GSE1: variants seen among roughly 807,000 people sequenced by gnomAD.
The protein encoded by GSE1 is genetic suppressor element 1.
A neutral mutation model predicts 112.6 loss-of-function variants in GSE1; 32 were observed. That is an observed-to-expected ratio of 0.28 (90% CI 0.21 to 0.38). The LOEUF is 0.38. GSE1 is among the 10% of genes least tolerant of loss of function. The pLI is 1.00. For missense variants in GSE1, 2,348 were observed against 1,699.2 expected, an observed-to-expected ratio of 1.38 and a Z score of -6.71; for synonymous variants, 1,115 against 735.6, an observed-to-expected ratio of 1.52 and a Z score of -8.35.
Position 85,267,250 on chromosome 16 carries a change from G to T in GSE1, c.2284-90213G>T, listed in dbSNP as rs140566044. Among the ~76,000 whole-genome samples the T allele has an allele frequency of 4.6e-5, 7 of 152,316 alleles. No individual in the cohort carries two copies. In the East Asian group the frequency reaches 9.6e-4, roughly 21 times the overall value. On this transcript the variant is annotated intron_variant, in intron 1 of 2. Coordinates refer to the GSE1 transcript ENST00000637419. ...GCCCCCTCCCCATCGGGGTGCCCAG[G>T]AAGTGGGGGTGGCAGTGGATAGCTA...
intron 2 of GSE1, among the ~76,000 whole-genome samples, chr16:85,505,287 T>C: frequency 6.6e-6 from 1 of 152,084 alleles, no homozygotes; most frequent in East Asian, 1.9e-4. Flanking sequence ...TGCCATGCGA[T>C]CAGGGACACC....
chr16:85,633,982 G>A lies in GSE1; in HGVS notation c.76G>A (p.Val26Ile), dbSNP rs1355152441. The A allele has an allele frequency of 1.5e-5, 24 of 1,612,864 alleles. No individual in the cohort carries two copies. The highest frequency in any genetic ancestry group is 6.7e-5 in the African/African-American group (5 of 74,898). ...LSTATRTTAT[V>I]NPLTPSPLNG... The stretch of plus-strand genomic sequence containing the variant: ...CACCGCGACCAGGACCACCGCCACC[G>A]TCAACCCCCTCACCCCCTCGCCGCT... Residue 26 changes from valine (V) to isoleucine (I), a missense_variant, in exon 2 of 16, where the codon GTC becomes ATC. Transcript: ENST00000253458.
intron 1 of GSE1, among the ~76,000 whole-genome samples, chr16:85,350,096 G>C (rs532548405): frequency 6.6e-6 from 1 of 152,290 alleles, no homozygotes; most frequent in African/African-American, 2.4e-5. Context: ...GGGTTGCTGG[G>C]ATGATTAAAT....
At chr16:85,333,486 C>G (rs1343709895) in intron 1 of GSE1, among the ~76,000 whole-genome samples, 1 of 152,246 alleles carries the variant, frequency 6.6e-6, no homozygotes, top group Non-Finnish European at 1.5e-5. Context: ...CGGGCCCTTC[C>G]ACTTTGCCCA....
At chr16:85,394,070 G>T (rs996978431) in intron 2 of GSE1, among the ~76,000 whole-genome samples, 3 of 152,150 alleles carry the variant, frequency 2.0e-5, no homozygotes, top group Admixed American at 6.5e-5. Context: ...TACCGTTCGG[G>T]CTCACTGCTG....
intron 2 of GSE1, among the ~76,000 whole-genome samples, chr16:85,415,564 C>A (rs1443361580): frequency 6.6e-6 from 1 of 152,258 alleles, no homozygotes; most frequent in Non-Finnish European, 1.5e-5. Context: ...CCCCCGTCCC[C>A]TACCAGCCAG....
intron 1 of GSE1, among the ~76,000 whole-genome samples, chr16:85,573,819 C>G (rs548257225): frequency 6.6e-6 from 1 of 152,330 alleles, no homozygotes; most frequent in East Asian, 1.9e-4. Flanking sequence ...AGTGAGTGTC[C>G]TCCCTGTGTT....
intron 1 of GSE1, among the ~76,000 whole-genome samples, chr16:85,229,072 CG>C (rs1420549927): frequency 2.6e-5 from 4 of 152,230 alleles, no homozygotes; most frequent in African/African-American, 9.6e-5. Flanking sequence ...GAAACACATC[CG>C]CTGGGGAGTT....
intron 1 of GSE1, among the ~76,000 whole-genome samples, chr16:85,313,918 C>CTGTG (rs10676246): frequency 0.04 from 6,023 of 149,238 alleles, 119 homozygotes; most frequent in Non-Finnish European, 0.044. Context: ...GTCTGAGCCT[C>CTGTG]TGTGTGTGTG....
At chr16:85,636,187 C>T (rs1567691547) in intron 2 of GSE1, among the ~76,000 whole-genome samples, 1 of 152,238 alleles carries the variant, frequency 6.6e-6, no homozygotes, top group Non-Finnish European at 1.5e-5. Context: ...GAAAGATGCC[C>T]CCGGGGTGGA....
chr16:85,601,266 T>A (rs1455088710), intron 1 of GSE1, among the ~76,000 whole-genome samples: 1 of 143,836 alleles, frequency 7.0e-6, no homozygotes, highest in African/African-American at 2.6e-5. Context: ...GAGGGAGAGG[T>A]GCCGTGTGAG....
chr16:85,313,202 A>G (rs2045901193), intron 1 of GSE1, among the ~76,000 whole-genome samples: 1 of 152,152 alleles, frequency 6.6e-6, no homozygotes, highest in African/African-American at 2.4e-5. Context: ...ACAGCTGAGC[A>G]TTCATGGACC....
chr16:85,171,772 A>G (rs888929921), exon 1 of GSE1: 2 of 985,498 alleles, frequency 2.0e-6, no homozygotes, highest in African/African-American at 3.5e-5. Flanking sequence ...CCAAGGACCC[A>G]TGAGCTGGAG....
chr16:85,191,356 G>T (rs974920912), intron 1 of GSE1, among the ~76,000 whole-genome samples: 1 of 152,136 alleles, frequency 6.6e-6, no homozygotes, highest in African/African-American at 2.4e-5. Context: ...ACAATTCAAT[G>T]TTTTTAGTAT....
At chr16:85,426,048 T>TGGAAGGAA (rs1256249222) in intron 2 of GSE1, among the ~76,000 whole-genome samples, 7 of 123,728 alleles carry the variant, frequency 5.7e-5, no homozygotes, top group Admixed American at 2.8e-4. Context: ...GATGGATGGA[T>TGGAAGGAA]GGATGGATGG....
At chr16:85,489,625 C>T (rs929559600) in intron 2 of GSE1, among the ~76,000 whole-genome samples, 4 of 152,092 alleles carry the variant, frequency 2.6e-5, no homozygotes, top group Non-Finnish European at 4.4e-5. Flanking sequence ...CTACGCGGCC[C>T]GCGCCTCCTT....
At chr16:85,267,083 A>G (rs1908325006) in intron 1 of GSE1, among the ~76,000 whole-genome samples, 1 of 152,162 alleles carries the variant, frequency 6.6e-6, no homozygotes, top group Non-Finnish European at 1.5e-5. Flanking sequence ...TCAGCTAATT[A>G]TGTGGAAAAT....
chr16:85,495,750 G>C (rs151184563), intron 2 of GSE1, among the ~76,000 whole-genome samples: 2,410 of 152,202 alleles, frequency 0.016, 31 homozygotes, highest in Middle Eastern at 0.072. Context: ...TGCCCACCTT[G>C]GCCTCCCAAA....
intron 3 of GSE1, among the ~76,000 whole-genome samples, chr16:85,650,456 A>C (rs2051239791): frequency 6.6e-6 from 1 of 152,144 alleles, no homozygotes; most frequent in African/African-American, 2.4e-5. Context: ...CCCTGCACCC[A>C]GCCACTGCCT....
Sources: allele counts gnomAD v4.1 joint callset (sites outside exome capture counted in the v4.1 genomes callset), GRCh38; gene constraint gnomAD v4.1.1; transcripts MANE v1.5; gene names NCBI Gene and HGNC (gene_info 2026-07-23, HGNC 2026-07-21).